AMPD3: variants seen among roughly 807,000 people sequenced by gnomAD.
The protein encoded by AMPD3 is AMP deaminase 3.
Under a neutral mutation model 82.3 loss-of-function variants are expected in AMPD3, and 57 were observed. The observed-to-expected ratio is 0.69, with a 90% CI of 0.56 to 0.86. The LOEUF is 0.86. Among genes scored for constraint, AMPD3 ranks in the 40% least tolerant of loss-of-function variants. The pLI is 0.00. For missense variants in AMPD3, 870 were observed against 1,003.8 expected, an observed-to-expected ratio of 0.87 and a Z score of 1.80; for synonymous variants, 381 against 394.7, an observed-to-expected ratio of 0.97 and a Z score of 0.41.
intron 4 of AMPD3, chr11:10,484,244 G>C (rs1848998092): frequency 7.1e-6 from 7 of 985,252 alleles, no homozygotes; most frequent in Non-Finnish European, 8.4e-6. Flanking sequence ...TTAACCTATA[G>C]TGGTTGGGGG....
chr11:10,489,232 C>T (rs1849169871), intron 6 of AMPD3, among the ~76,000 whole-genome samples: 1 of 152,170 alleles, frequency 6.6e-6, no homozygotes, highest in African/African-American at 2.4e-5. Flanking sequence ...GCCCAAAGAA[C>T]TTCACACGCC....
intron 2 of AMPD3, among the ~76,000 whole-genome samples, chr11:10,465,631 T>C (rs774208322): frequency 2.0e-5 from 3 of 152,110 alleles, no homozygotes; most frequent in Non-Finnish European, 4.4e-5. Flanking sequence ...TTATCTTCCT[T>C]ACCCAAGGGA....
At chr11:10,482,312 CT>C in intron 4 of AMPD3, 87 bp downstream of exon 4, 1 of 1,447,670 alleles carries the variant, frequency 6.9e-7, no homozygotes, top group Admixed American at 2.0e-5. Flanking sequence ...TCTATTTCCC[CT>C]GATAGTATTT....
rs758822482 is a variant in AMPD3 at position 10,504,621 on chromosome 11, G to A, written c.2089G>A (p.Ala697Thr). 6 of 1,613,992 alleles carry A rather than the reference G, an allele frequency of 3.7e-6. No individual in the cohort carries two copies. The highest frequency in any genetic ancestry group is 3.4e-6 in the Non-Finnish European group (4 of 1,179,998). Residue 697 changes from alanine (A) to threonine (T), a missense_variant, in exon 14 of 15, where the codon GCC becomes ACC. Transcript: ENST00000396553. The part of the protein sequence containing the change: ...KLSTCDLCEI[A>T]RNSVLQSGLS... ...GAGCACCTGCGACCTGTGTGAGATC[G>A]CCAGGAACAGCGTGCTGCAGAGCGG...
chr11:10,480,651 G>T (rs74554651), intron 3 of AMPD3, among the ~76,000 whole-genome samples: 2,823 of 152,232 alleles, frequency 0.019, 48 homozygotes, highest in Middle Eastern at 0.051. Context: ...TATCTGTGAT[G>T]ATTTATTTCT....
Sources: allele counts gnomAD v4.1 joint callset (sites outside exome capture counted in the v4.1 genomes callset), GRCh38; gene constraint gnomAD v4.1.1; transcripts MANE v1.5; gene names NCBI Gene and HGNC (gene_info 2026-07-23, HGNC 2026-07-21).